HSPG2: variants seen among roughly 807,000 people sequenced by gnomAD.
The protein encoded by HSPG2 is heparan sulfate proteoglycan 2.
In HSPG2, 278 loss-of-function variants were observed where a neutral mutation model predicts 526.6. That is an observed-to-expected ratio of 0.53 (90% CI 0.48 to 0.58). The LOEUF (loss-of-function observed/expected upper bound fraction) is 0.58. Among genes scored for constraint, HSPG2 ranks in the 20% least tolerant of loss-of-function variants. The pLI, the probability that HSPG2 is intolerant of heterozygous loss-of-function variation, is 0.00. For synonymous variants in HSPG2, 2,465 were observed against 2,555.4 expected (o/e 0.96, Z 1.07); for missense variants, 5,354 against 6,099.5 (o/e 0.88, Z 4.07).
At chr1:21,931,287 C>A (rs547474797) in intron 1 of HSPG2, among the ~76,000 whole-genome samples, 2 of 152,362 alleles carry the variant, frequency 1.3e-5, no homozygotes, top group South Asian at 2.1e-4. Context: ...GGCGGCTCCC[C>A]GCGAAGTGAG....
Position 21,854,881 on chromosome 1 carries a change from C to A in HSPG2, c.6100G>T (p.Ala2034Ser). The change falls in exon 48 of 97, where the codon GCC (alanine) becomes TCC (serine). Residue 2034 changes from alanine to serine, a missense_variant. Physicochemically the swap from Ala to Ser is moderately conservative, Grantham distance 99. Transcript: ENST00000374695. ...LCVATSPAGT[A>S]QARIQVVVLS... ...ACAACCACTTGGATCCGGGCCTGGG[C>A]AGTGCCTGCAGGGCTGGTGGCCACG... is the stretch of plus-strand genomic sequence containing the variant. The A allele has an allele frequency of 1.2e-6, 2 of 1,614,160 alleles. No individual in the cohort carries two copies. Among genetic ancestry groups the A allele is most frequent in the Non-Finnish European group, 1.7e-6 (2 of 1,180,010 alleles).
chr1:21,924,329 C>T (rs1310036540), intron 1 of HSPG2, among the ~76,000 whole-genome samples: 3 of 152,156 alleles, frequency 2.0e-5, no homozygotes, highest in East Asian at 3.9e-4. Context: ...AGGCAGGACT[C>T]GTAAGCTATA....
At position 21,833,913 on chromosome 1, in the gene HSPG2, A is replaced by C. The variant is rs759951243; in HGVS notation, c.10733T>G (p.Ile3578Ser). Residue 3578 changes from isoleucine (I) to serine (S), a missense_variant, in exon 78 of 97, where the codon ATC becomes AGC. Transcript: ENST00000374695. ...VLLLVQALPQ[I>S]SMPQEVRVPA... ...CACACGGACTTCTTGGGGCATTGAG[A>C]TCTGGGGCAAGGCTGAGAGGCATGG... 12 of 1,587,832 alleles carry C rather than the reference A, an allele frequency of 7.6e-6. No individual in the cohort carries two copies. In the East Asian group the frequency reaches 2.5e-4, roughly 33 times the overall value.
intron 33 of HSPG2, chr1:21,870,295 T>C: frequency 6.1e-6 from 6 of 985,968 alleles, no homozygotes; most frequent in Non-Finnish European, 7.2e-6. Flanking sequence ...CAACTGCTCC[T>C]CTGAGAGGGA....
intron 53 of HSPG2, 39 bp from the exon 54 acceptor site, chr1:21,851,965 G>A (rs781026402): frequency 4.0e-5 from 64 of 1,605,696 alleles, no homozygotes; most frequent in African/African-American, 9.4e-5. Context: ...GGGGCTTCCC[G>A]GAGGCCAGCA....
At chr1:21,884,225 G>C (rs1641706543) in intron 13 of HSPG2, among the ~76,000 whole-genome samples, 1 of 152,160 alleles carries the variant, frequency 6.6e-6, no homozygotes, top group East Asian at 1.9e-4. Context: ...ACGAGATAGT[G>C]GGTAACTTGA....
chr1:21,897,627 T>C (rs530071810), intron 1 of HSPG2, among the ~76,000 whole-genome samples: 8 of 152,306 alleles, frequency 5.3e-5, no homozygotes, highest in African/African-American at 1.4e-4. Context: ...GATTGATAGG[T>C]GTGGATCTGA....
chr1:21,866,506 GA>G (rs1260180153), intron 33 of HSPG2, among the ~76,000 whole-genome samples: 1 of 152,176 alleles, frequency 6.6e-6, no homozygotes, highest in African/African-American at 2.4e-5. Flanking sequence ...GCAGTCAGAT[GA>G]GAAGCTGGAG....
rs768493622 is a variant in HSPG2 at position 21,855,890 on chromosome 1, G to A, written c.5598C>T (p.Pro1866=). Residue 1866 remains proline (P), a synonymous_variant, in exon 45 of 97, where the codon CCC becomes CCT. Transcript: ENST00000374695. ...HVQASGTLSA[P]VVSIHPPQLT... ...GCTGTGGCGGATGGATGGAGACCAC[G>A]GGGGCGGACAAGGTGCCCGAGGCTG... is the stretch of plus-strand genomic sequence containing the variant. 32 of 1,611,068 alleles carry A rather than the reference G, an allele frequency of 2.0e-5. No individual in the cohort carries two copies. The Admixed American group carries it at 4.3e-4, about 22-fold the overall frequency.
At chr1:21,936,733 C>T (rs911902818) in intron 1 of HSPG2, among the ~76,000 whole-genome samples, 3 of 152,198 alleles carry the variant, frequency 2.0e-5, no homozygotes, top group African/African-American at 7.2e-5. Flanking sequence ...CAGCGAGACT[C>T]ATAGGGTCCC....
At chr1:21,851,201 G>T in intron 55 of HSPG2, 1 of 348,198 alleles carries the variant, frequency 2.9e-6, no homozygotes, top group South Asian at 2.7e-5. Flanking sequence ...TCGAACTCCC[G>T]ACCTCAGGCG....
At position 21,841,691 on chromosome 1, in the gene HSPG2, G is replaced by A. The variant is rs759800110; in HGVS notation, c.9194-18C>T. On this transcript the variant is annotated intron_variant, in intron 69 of 96. Coordinates refer to ENST00000374695, the MANE Select transcript of HSPG2 (RefSeq NM_005529.7). ...GACGTTGTCTGTGAGGTTGCATGGG[G>A]GAGGGTGAGAGAGGATTGACCTGGT... 1.2e-6 allele frequency: 2 copies of A among 1,613,930 alleles called. No homozygotes were observed. The highest frequency in any genetic ancestry group is 2.2e-5 in the South Asian group (2 of 91,060).
In HSPG2 at chr1:21,884,673, G is replaced by A. The variant is rs763780541; in HGVS notation, c.1509C>T (p.Gly503=). The A allele has an allele frequency of 9.3e-6, 15 of 1,611,154 alleles. No homozygotes were observed. Among genetic ancestry groups the A allele is most frequent in the South Asian group, 8.8e-5 (8 of 91,002 alleles). Residue 503 remains glycine, a splice_region_variant and synonymous_variant, in exon 13 of 97, where the codon GGC becomes GGT. Coordinates refer to ENST00000374695, the MANE Select transcript of HSPG2 (RefSeq NM_005529.7). ...GGTAGAAGTGGCCGTCAGGGCAGGGGCCTGCTGGGCGGCATGGGCGGGGGC... is the reference window on the plus strand; with the variant it reads ...GGTAGAAGTGGCCGTCAGGGCAGGGACCTGCTGGGCGGCATGGGCGGGGGC... ...DGVLELVPQR[G]PCPDGHFYLE...
chr1:21,908,641 G>T, intron 1 of HSPG2: 14 of 552,800 alleles, frequency 2.5e-5, no homozygotes, highest in Non-Finnish European at 3.8e-5. Context: ...TGTTTGCTGT[G>T]ATTATCTTTG....
intron 1 of HSPG2, among the ~76,000 whole-genome samples, chr1:21,908,747 G>A (rs552551739): frequency 6.6e-6 from 1 of 152,248 alleles, no homozygotes; most frequent in South Asian, 2.1e-4. Flanking sequence ...ATATTTTAGA[G>A]CACTGACACT....
chr1:21,908,045 T>C, intron 1 of HSPG2: 1 of 729,642 alleles, frequency 1.4e-6, no homozygotes, highest in Non-Finnish European at 2.5e-6. Flanking sequence ...GAATGTTCTA[T>C]AAGTGTTTGC....
chr1:21,875,562 T>C, intron 25 of HSPG2, 67 bp downstream of exon 25: 1 of 1,181,220 alleles, frequency 8.5e-7, no homozygotes, highest in Non-Finnish European at 1.3e-6. Context: ...GGCTGTGCTG[T>C]ACTGCACCGC....
In HSPG2 at chr1:21,890,501, G is replaced by A; in HGVS notation, c.355-16C>T. The A allele has an allele frequency of 6.2e-7, 1 of 1,613,818 alleles. No individual in the cohort carries two copies. On this transcript the variant is annotated splice_polypyrimidine_tract_variant and intron_variant, in intron 4 of 96. Coordinates refer to ENST00000374695, the MANE Select transcript of HSPG2 (RefSeq NM_005529.7). This position sits in a 1 kb window ranked among gnomAD's most constrained non-coding sequence, Gnocchi z 4.1. ...CCGACTCCAGCTGGGGAGGGACACA[G>A]TGCCATCAGCCCCAGAGGCCTTCAC...
At chr1:21,900,714 A>G (rs541541626) in intron 1 of HSPG2, among the ~76,000 whole-genome samples, 1 of 152,234 alleles carries the variant, frequency 6.6e-6, no homozygotes, top group Admixed American at 6.5e-5. Context: ...GTGAAACCCC[A>G]TCTCTACTAA....
Sources: allele counts gnomAD v4.1 joint callset (sites outside exome capture counted in the v4.1 genomes callset), GRCh38; gene constraint gnomAD v4.1.1; non-coding constraint Gnocchi (gnomAD v3.1); transcripts MANE v1.5; gene names NCBI Gene and HGNC (gene_info 2026-07-23, HGNC 2026-07-21).